Variants in TTLL11 observed in about 807,000 individuals in gnomAD.
TTLL11 encodes tubulin tyrosine ligase like 11, also known as tubulin polyglutamylase TTLL11.
TTLL11 carries 42 observed loss-of-function variants against 51.7 expected under a neutral mutation model. That is an observed-to-expected ratio of 0.81 (90% CI 0.64 to 1.05). The LOEUF is 1.05. Ranked by LOEUF, TTLL11 falls within the 50% of genes least tolerant of loss-of-function variation. TTLL11 has a pLI of 0.00. For missense variants in TTLL11, 799 were observed against 940.4 expected (o/e 0.85, Z 1.97); for synonymous variants, 381 against 383.5 (o/e 0.99, Z 0.08).
rs937723414 is a variant in TTLL11, at chr9:122,093,067, C to G, written c.82G>C (p.Ala28Pro). 3 of 1,509,586 alleles carry G rather than the reference C, an allele frequency of 2.0e-6. No individual in the cohort carries two copies. In the African/African-American group the frequency reaches 4.3e-5, roughly 22 times the overall value. 93.5% of individuals were successfully genotyped at this position (1,509,586 alleles called of 1,614,324 possible). Residue 28 changes from alanine (A) to proline (P), a missense_variant, in exon 1 of 9, where the codon GCT becomes CCT. Ala to Pro is a conservative substitution (Grantham distance 27). Around this residue, in one of 3 missense-constraint regions of TTLL11, gnomAD observed 166 missense variants for 161.6 expected, o/e 1.03. Coordinates refer to ENST00000321582, the MANE Select transcript of TTLL11 (RefSeq NM_001139442.2). ...AVAAAKAAAKAEAEATAETVA... is the reference protein window; with the variant it reads ...AVAAAKAAAKPEAEATAETVA... ...GTCTCCGCTGTGGCCTCGGCCTCAG[C>G]TTTGGCCGCCGCTTTGGCCGCAGCC...
In TTLL11 at chr9:121,870,439, G is replaced by A. The variant is rs1027557314; in HGVS notation, c.1733+58C>T. The stretch of plus-strand genomic sequence containing the variant: ...AGTCAGGGAGACCCGCCAGCCAGAT[G>A]TGAGACTGGACTCCACCCAGCCCAA... On this transcript the variant is annotated intron_variant, in intron 7 of 8. Coordinates refer to ENST00000321582, the MANE Select transcript of TTLL11 (RefSeq NM_001139442.2). 4 of 1,511,170 alleles carry A rather than the reference G, an allele frequency of 2.6e-6. No individual in the cohort carries two copies. In the African/African-American group the frequency reaches 4.2e-5, roughly 16 times the overall value. The allele number at this position is 1,511,170 out of a possible 1,614,324, so 93.6% of individuals were successfully genotyped here.
chr9:122,012,620 G>C (rs1414234100), intron 3 of TTLL11, among the ~76,000 whole-genome samples: 1 of 151,756 alleles, frequency 6.6e-6, no homozygotes, highest in African/African-American at 2.4e-5. Flanking sequence ...TATGAGAAGT[G>C]TTATTGCACA....
rs374157399 is a variant in TTLL11, at chr9:122,092,670, G to T, written c.462+17C>A. ...CACCCCACTGTGCCCACGCGGCCGG[G>T]TCGGGCCGGGCCTCACCTCCTTCCA... On this transcript the variant is annotated intron_variant, in intron 1 of 8. Coordinates refer to ENST00000321582, the MANE Select transcript of TTLL11 (RefSeq NM_001139442.2). 3.6e-5 allele frequency: 56 copies of T among 1,536,290 alleles called. No homozygotes were observed. Among genetic ancestry groups the T allele is most frequent in the Admixed American group, 9.8e-5 (5 of 50,972 alleles).
At chr9:121,896,783 C>T (rs1839542347) in intron 6 of TTLL11, among the ~76,000 whole-genome samples, 1 of 152,186 alleles carries the variant, frequency 6.6e-6, no homozygotes, top group Admixed American at 6.5e-5. Context: ...GAGATCATTT[C>T]GGAAACGATG....
chr9:122,065,658 A>G (rs188255183), intron 1 of TTLL11, among the ~76,000 whole-genome samples: 39 of 152,318 alleles, frequency 2.6e-4, no homozygotes, highest in African/African-American at 8.9e-4. Context: ...ACCACTTACT[A>G]GACAAACATA....
intron 8 of TTLL11, among the ~76,000 whole-genome samples, chr9:121,845,866 GAAC>G (rs1439191357): frequency 1.2e-4 from 18 of 152,046 alleles, no homozygotes; most frequent in African/African-American, 4.3e-4. Context: ...CAGAAACAAA[GAAC>G]AAGTCAGTGA....
chr9:121,998,749 G>A (rs763657238), intron 3 of TTLL11, among the ~76,000 whole-genome samples: 5 of 152,240 alleles, frequency 3.3e-5, no homozygotes, highest in Middle Eastern at 3.4e-3. Flanking sequence ...CACTAGGCAC[G>A]TCAATATGTA....
In TTLL11 at chr9:122,012,074, T is replaced by C. The variant is rs114627982; in HGVS notation, c.693+19649A>G. 8.4e-3 allele frequency among the ~76,000 whole-genome samples: 1,284 copies of C among 152,264 alleles called. 21 individuals are homozygous for C. Among genetic ancestry groups the C allele is most frequent in the African/African-American group, 0.029 (1,217 of 41,548 alleles). On this transcript the variant is annotated intron_variant, in intron 3 of 8. Transcript: ENST00000321582. Reference sequence around the variant, plus strand: ...GCCTTTCATTAGAACCCCTCCAAGATACAATTACACAGAAAAGAAGTTGAA... The same window carrying C: ...GCCTTTCATTAGAACCCCTCCAAGACACAATTACACAGAAAAGAAGTTGAA...
chr9:121,954,924 T>C (rs886499310), intron 6 of TTLL11, among the ~76,000 whole-genome samples: 14 of 152,276 alleles, frequency 9.2e-5, no homozygotes, highest in African/African-American at 2.6e-4. Flanking sequence ...ACAATAGCAG[T>C]CTCTAGAGAT....
chr9:121,919,075 T>G (rs1321005986), intron 6 of TTLL11, among the ~76,000 whole-genome samples: 1 of 152,232 alleles, frequency 6.6e-6, no homozygotes, highest in East Asian at 1.9e-4. Flanking sequence ...TGAGCAGTGC[T>G]CTTATGAATT....
At chr9:122,054,986 T>G (rs987233895) in intron 1 of TTLL11, among the ~76,000 whole-genome samples, 1 of 152,082 alleles carries the variant, frequency 6.6e-6, no homozygotes, top group Non-Finnish European at 1.5e-5. Flanking sequence ...CTTTCCCCAA[T>G]AAAAAGTCCC....
chr9:121,946,741 T>C (rs1257027733), intron 6 of TTLL11, among the ~76,000 whole-genome samples: 1 of 152,174 alleles, frequency 6.6e-6, no homozygotes, highest in Non-Finnish European at 1.5e-5. Flanking sequence ...GAGTGTTCTT[T>C]TAATTTTTTT....
Position 121,989,597 on chromosome 9 carries a change from G to A in TTLL11, c.867C>T (p.Leu289=). Residue 289 remains leucine, a synonymous_variant, in exon 4 of 9, where the codon CTC becomes CTT. Transcript: ENST00000321582. The surrounding 1 kb of genome is among the most constrained non-coding windows in gnomAD (Gnocchi z 4.2). ...AVVQEYICKP[L]LIDKLKFDIR... ...TATCAAACTTGAGCTTGTCGATAAG[G>A]AGAGGTTTGCAGATGTACTCCTGGA... 6.2e-7 allele frequency: 1 copy of A among 1,614,114 alleles called. No individual in the cohort carries two copies. Among genetic ancestry groups the A allele is most frequent in the Non-Finnish European group, 8.5e-7 (1 of 1,180,024 alleles).
At chr9:121,838,011 G>C (rs554265784) in intron 8 of TTLL11, among the ~76,000 whole-genome samples, 2 of 151,996 alleles carry the variant, frequency 1.3e-5, no homozygotes, top group African/African-American at 4.8e-5. Flanking sequence ...TCTCTCTCTC[G>C]CTCTCTCTTC....
chr9:121,848,463 A>T (rs1731558200), intron 8 of TTLL11, among the ~76,000 whole-genome samples: 1 of 152,126 alleles, frequency 6.6e-6, no homozygotes, highest in African/African-American at 2.4e-5. Flanking sequence ...AAGAAATAAA[A>T]TTTTCTGTGT....
intron 8 of TTLL11, among the ~76,000 whole-genome samples, chr9:121,832,649 C>T (rs754722404): frequency 6.6e-6 from 1 of 152,114 alleles, no homozygotes; most frequent in Non-Finnish European, 1.5e-5. Flanking sequence ...CGAGAGTTTT[C>T]GAAGATTTGG....
At chr9:121,897,640 A>ACACACACACACACACCCACACGCG (rs111331446) in intron 6 of TTLL11, among the ~76,000 whole-genome samples, 1 of 139,292 alleles carries the variant, frequency 7.2e-6, no homozygotes, top group South Asian at 2.6e-4. Flanking sequence ...ACACACACAC[A>ACACACACACACACACCCACACGCG]CGCGCGCGCG....
rs564841815 is a variant in TTLL11 at position 121,989,223 on chromosome 9, G to A, written c.1241C>T (p.Thr414Met). The change falls in exon 4 of 9, where the codon ACG becomes ATG. Residue 414 changes from threonine (T) to methionine (M), a missense_variant. Transcript: ENST00000321582. This position sits in a 1 kb window ranked among gnomAD's most constrained non-coding sequence, Gnocchi z 4.2. ...GAAGCACGTGGGGCCCGGCCTCCCC[G>A]TGGGGATGTCTGACTGGTAGAAGAC... ...LKVFYQSDIPTGRPGPTCFQI... is the reference protein window; with the variant it reads ...LKVFYQSDIPMGRPGPTCFQI... 3.0e-5 allele frequency: 49 copies of A among 1,614,106 alleles called. No homozygotes were observed. The South Asian group carries it at 3.5e-4, about 12-fold the overall frequency.
At chr9:121,833,243 G>A (rs150007898) in intron 8 of TTLL11, among the ~76,000 whole-genome samples, 78 of 152,292 alleles carry the variant, frequency 5.1e-4, no homozygotes, top group African/African-American at 1.7e-3. Flanking sequence ...TCCAGTTGCA[G>A]CCAGCCGCAC....
Sources: allele counts gnomAD v4.1 joint callset (sites outside exome capture counted in the v4.1 genomes callset), GRCh38; gene constraint gnomAD v4.1.1; regional missense constraint gnomAD v4.1.1; non-coding constraint Gnocchi (gnomAD v3.1); transcripts MANE v1.5; gene names NCBI Gene and HGNC (gene_info 2026-07-23, HGNC 2026-07-21).